KIAA1549: variants seen among roughly 807,000 people sequenced by gnomAD.
KIAA1549 encodes KIAA1549.
Under a neutral mutation model 156.4 loss-of-function variants are expected in KIAA1549, and 70 were observed. That is an observed-to-expected ratio of 0.45 (90% CI 0.37 to 0.55). The LOEUF is 0.55. KIAA1549 is among the 20% of genes least tolerant of loss of function. The pLI is 0.00. For synonymous variants in KIAA1549, 1,103 were observed against 1,066.4 expected, an observed-to-expected ratio of 1.03 and a Z score of -0.67; for missense variants, 2,428 against 2,540.9, an observed-to-expected ratio of 0.96 and a Z score of 0.96.
chr7:138,861,925 GA>G (rs1382761212), intron 15 of KIAA1549, among the ~76,000 whole-genome samples: 1 of 152,018 alleles, frequency 6.6e-6, no homozygotes, highest in Admixed American at 6.6e-5. Flanking sequence ...ATGCGAAGGA[GA>G]GGGGAGGCTT....
At chr7:138,904,133 T>G (rs1184404441) in intron 7 of KIAA1549, among the ~76,000 whole-genome samples, 2 of 152,214 alleles carry the variant, frequency 1.3e-5, no homozygotes, top group African/African-American at 4.8e-5. Context: ...TGGTGTGAGT[T>G]CATTGTCTTG....
At chr7:138,897,701 T>A (rs1475033400) in intron 9 of KIAA1549, among the ~76,000 whole-genome samples, 1 of 151,748 alleles carries the variant, frequency 6.6e-6, no homozygotes, top group African/African-American at 2.4e-5. Flanking sequence ...AAGACCAGCC[T>A]AGGCAACATG....
At chr7:138,864,382 C>G (rs1810674343) in intron 15 of KIAA1549, among the ~76,000 whole-genome samples, 1 of 152,138 alleles carries the variant, frequency 6.6e-6, no homozygotes, top group Admixed American at 6.5e-5. Context: ...CCCAATGGCC[C>G]CCGTGAATCC....
At chr7:138,902,313 A>G (rs374964605) in intron 8 of KIAA1549, among the ~76,000 whole-genome samples, 1 of 152,122 alleles carries the variant, frequency 6.6e-6, no homozygotes, top group African/African-American at 2.4e-5. Context: ...CCCCCAACCC[A>G]CAGCCAATGT....
At chr7:138,861,110 T>C (rs1249729588) in intron 16 of KIAA1549, 29 bp downstream of exon 16, 1 of 1,609,618 alleles carries the variant, frequency 6.2e-7, no homozygotes. Context: ...ATCTTGCCCA[T>C]CAGAGAATTC....
In KIAA1549 at chr7:138,903,573, T is replaced by C. The variant is rs773555015; in HGVS notation, c.3669+15A>G. ...TCCCTCTCTCTCCTTCCCCTCCTCC[T>C]TTGATGTGGAGTACCTGCACCACAC... On this transcript the variant is annotated intron_variant, in intron 8 of 19. Coordinates refer to ENST00000422774, the MANE Select transcript of KIAA1549 (RefSeq NM_001164665.2). 7 of 1,611,840 alleles carry C rather than the reference T, an allele frequency of 4.3e-6. No individual in the cohort carries two copies. The highest frequency in any genetic ancestry group is 3.3e-5 in the South Asian group (3 of 90,900).
intron 1 of KIAA1549, among the ~76,000 whole-genome samples, chr7:138,926,689 T>C (rs894578615): frequency 5.3e-5 from 8 of 152,142 alleles, no homozygotes; most frequent in African/African-American, 1.4e-4. Context: ...ATCTTCCTGG[T>C]TTAGAAAAAA....
chr7:138,868,209 G>C, intron 14 of KIAA1549, 81 bp from the exon 15 acceptor site: 1 of 1,357,440 alleles, frequency 7.4e-7, no homozygotes, highest in East Asian at 2.5e-5. Flanking sequence ...TAAGTACCCT[G>C]AGTACCTAGG....
chr7:138,839,663 G>A (rs1809847301), intron 19 of KIAA1549, among the ~76,000 whole-genome samples: 1 of 151,012 alleles, frequency 6.6e-6, no homozygotes, highest in South Asian at 2.1e-4. Flanking sequence ...GCTAAAAACT[G>A]TAAGCCAAAA....
intron 1 of KIAA1549, among the ~76,000 whole-genome samples, chr7:138,956,180 A>G (rs1347449194): frequency 6.6e-6 from 1 of 152,198 alleles, no homozygotes. Flanking sequence ...TTAAAATGAC[A>G]GCTAATCACC....
chr7:138,864,404 C>T (rs1293934245), intron 15 of KIAA1549, among the ~76,000 whole-genome samples: 1 of 152,146 alleles, frequency 6.6e-6, no homozygotes, highest in Non-Finnish European at 1.5e-5. Flanking sequence ...GCCAGAAGGC[C>T]AGGAGCTCCT....
At chr7:138,896,549 C>T (rs1461317185) in intron 9 of KIAA1549, among the ~76,000 whole-genome samples, 1 of 151,414 alleles carries the variant, frequency 6.6e-6, no homozygotes, top group Non-Finnish European at 1.5e-5. Flanking sequence ...AACTGAGAAG[C>T]TGAGACAACT....
At chr7:138,937,315 C>T (rs914731379) in intron 1 of KIAA1549, among the ~76,000 whole-genome samples, 6 of 152,170 alleles carry the variant, frequency 3.9e-5, no homozygotes, top group African/African-American at 1.4e-4. Context: ...CCCCACCACC[C>T]TACCCCAGAC....
At chr7:138,956,922 G>GCTTTAAGAGTGA (rs59050569) in intron 1 of KIAA1549, among the ~76,000 whole-genome samples, 62,830 of 151,878 alleles carry the variant, frequency 0.41, 15,777 homozygotes, top group African/African-American at 0.72. Flanking sequence ...AGGTGGAGGG[G>GCTTTAAGAGTGA]CTAAGGCACA....
chr7:138,840,361 TCAA>T lies in KIAA1549; in HGVS notation c.5453-86_5453-84del. ...AGGATGGCTGCCGAGGAAGACACTG[TCAA>T]CTCTGACCACTACACTCCTTAATGA... On this transcript the variant is annotated intron_variant, in intron 18 of 19. Coordinates refer to ENST00000422774, the MANE Select transcript of KIAA1549 (RefSeq NM_001164665.2). 3.1e-6 allele frequency: 4 copies of T among 1,277,426 alleles called. No homozygotes were observed. The South Asian group carries it at 4.3e-5, about 14-fold the overall frequency. The allele number at this position is 1,277,426 out of a possible 1,614,324, so 79.1% of individuals were successfully genotyped here.
At chr7:138,958,532 T>C (rs1243931889) in intron 1 of KIAA1549, among the ~76,000 whole-genome samples, 1 of 152,224 alleles carries the variant, frequency 6.6e-6, no homozygotes, top group East Asian at 1.9e-4. Context: ...TGAATATTTA[T>C]ATAACTTCCC....
In KIAA1549 at chr7:138,847,460, G is replaced by A. The variant is rs534480180; in HGVS notation, c.5295-2986C>T. The stretch of plus-strand genomic sequence containing the variant: ...GATGGTTTAAAAAATAGAAAAATAA[G>A]TAGGAAGCAGATAACATTCCTACTT... On this transcript the variant is annotated intron_variant, in intron 17 of 19. Transcript: ENST00000422774. Among the ~76,000 whole-genome samples, 4 of 152,298 alleles carry A rather than the reference G, an allele frequency of 2.6e-5. No individual in the cohort carries two copies. In the South Asian group the frequency reaches 8.3e-4, roughly 32 times the overall value.
chr7:138,933,373 G>C (rs1226517025), intron 1 of KIAA1549, among the ~76,000 whole-genome samples: 1 of 152,204 alleles, frequency 6.6e-6, no homozygotes, highest in African/African-American at 2.4e-5. Flanking sequence ...TTGTACAAAA[G>C]ACCTGACTTT....
Position 138,917,857 on chromosome 7 carries a change from G to T in KIAA1549, c.1769C>A (p.Thr590Lys), listed in dbSNP as rs144262582. ...SLAVRDPSVF[T>K]PYSLVPSVES... Reference sequence around the variant, plus strand: ...CACTGAAGGAACCAGACTATAAGGCGTAAAAACACTCGGGTCTCTGACGGC... The same window carrying T: ...CACTGAAGGAACCAGACTATAAGGCTTAAAAACACTCGGGTCTCTGACGGC... Residue 590 changes from threonine (T) to lysine (K), a missense_variant, in exon 2 of 20, where the codon ACG becomes AAG. This residue lies in a region of KIAA1549 where 893 missense variants were observed against 847.9 expected (regional missense o/e 1.05). Transcript: ENST00000422774. 5 of 1,603,750 alleles carry T rather than the reference G, an allele frequency of 3.1e-6. No individual in the cohort carries two copies. The highest frequency in any genetic ancestry group is 1.3e-5 in the African/African-American group (1 of 74,796).
Sources: allele counts gnomAD v4.1 joint callset (sites outside exome capture counted in the v4.1 genomes callset), GRCh38; gene constraint gnomAD v4.1.1; regional missense constraint gnomAD v4.1.1; transcripts MANE v1.5; gene names NCBI Gene and HGNC (gene_info 2026-07-23, HGNC 2026-07-21).